ANKS1A: variants seen among roughly 807,000 people sequenced by gnomAD.
The protein encoded by ANKS1A is ankyrin repeat and sterile alpha motif domain containing 1A.
In ANKS1A, 55 loss-of-function variants were observed where a neutral mutation model predicts 120.3. The observed-to-expected ratio is 0.46, with a 90% confidence interval of 0.37 to 0.57. The LOEUF (loss-of-function observed/expected upper bound fraction) is 0.57. ANKS1A is among the 20% of genes least tolerant of loss of function. ANKS1A has a pLI of 0.00. For missense variants in ANKS1A, 1,123 were observed against 1,480.3 expected, an observed-to-expected ratio of 0.76 and a Z score of 3.96; for synonymous variants, 590 against 604.7, an observed-to-expected ratio of 0.98 and a Z score of 0.36.
At chr6:34,899,474 C>T (rs892152212) in intron 1 of ANKS1A, among the ~76,000 whole-genome samples, 1 of 151,326 alleles carries the variant, frequency 6.6e-6, no homozygotes, top group Admixed American at 6.6e-5. Context: ...TAGTGAGACC[C>T]AGTTTCTATT....
chr6:34,989,440 A>T (rs1479956388), intron 9 of ANKS1A, 124 bp downstream of exon 9: 17 of 882,744 alleles, frequency 1.9e-5, no homozygotes, highest in East Asian at 1.0e-4. Flanking sequence ...ATAAATTTGT[A>T]TTATGTGTAC....
Position 34,994,358 on chromosome 6 carries a change from C to T in ANKS1A, c.1359C>T (p.His453=), listed in dbSNP as rs1772736220. 2.5e-6 allele frequency: 4 copies of T among 1,613,644 alleles called. No individual in the cohort carries two copies. Among genetic ancestry groups the T allele is most frequent in the African/African-American group, 1.3e-5 (1 of 74,900 alleles). Residue 453 remains histidine (H), a synonymous_variant, in exon 10 of 24, where the codon CAC becomes CAT. Coordinates refer to ENST00000360359, the MANE Select transcript of ANKS1A (RefSeq NM_015245.3). The part of the protein sequence containing the change: ...HGSAAREEDE[H]PYELLLTAET... The stretch of plus-strand genomic sequence containing the variant: ...GTGCAGCCCGGGAAGAAGACGAACA[C>T]CCTTATGAACTGTTGTTAACAGCAG...
downstream of ANKS1A, among the ~76,000 whole-genome samples, chr6:35,091,570 TAACA>T (rs142013873): frequency 0.011 from 1,601 of 152,372 alleles, 32 homozygotes; most frequent in African/African-American, 0.036. Flanking sequence ...TCGCACTCTC[TAACA>T]AACAGTTAGT....
chr6:34,954,486 T>TG (rs1196652501), intron 1 of ANKS1A, among the ~76,000 whole-genome samples: 1 of 152,168 alleles, frequency 6.6e-6, no homozygotes. Context: ...TAACTGTCCT[T>TG]GGCAGGATAG....
chr6:34,981,475 T>A (rs1474909298), intron 3 of ANKS1A, among the ~76,000 whole-genome samples: 2 of 152,192 alleles, frequency 1.3e-5, no homozygotes, highest in East Asian at 3.8e-4. Flanking sequence ...AAGAGATGAC[T>A]TCTCCCCTCT....
intron 1 of ANKS1A, among the ~76,000 whole-genome samples, chr6:34,960,383 G>A (rs1306271141): frequency 1.3e-5 from 2 of 151,908 alleles, no homozygotes; most frequent in African/African-American, 4.8e-5. Flanking sequence ...TAGAAATCAA[G>A]CTCCATGAGG....
chr6:35,085,871 G>A lies in ANKS1A; in HGVS notation c.3238G>A (p.Glu1080Lys). 1 of 1,613,798 alleles carries A rather than the reference G, an allele frequency of 6.2e-7. No homozygotes were observed. Among genetic ancestry groups the A allele is most frequent in the Middle Eastern group, 1.7e-4 (1 of 6,056 alleles). The change falls in exon 22 of 24, where the codon GAG (glutamate) becomes AAG (lysine). Residue 1080 changes from glutamate (E) to lysine (K), a missense_variant. Glu to Lys is a moderately conservative substitution (Grantham distance 56). Transcript: ENST00000360359. This position sits in a 1 kb window ranked among gnomAD's most constrained non-coding sequence, Gnocchi z 4.7. ...CAGGGCGACGGGCGCCTCTGCAGCTGAGATGATTGAAACAAAATCTTCCAA... is the reference window on the plus strand; with the variant it reads ...CAGGGCGACGGGCGCCTCTGCAGCTAAGATGATTGAAACAAAATCTTCCAA... ...KSRATGASAA[E>K]MIETKSSKPV...
At position 35,074,979 on chromosome 6, in the gene ANKS1A, A is replaced by G. The variant is rs528087671; in HGVS notation, c.2185-3579A>G. Among the ~76,000 whole-genome samples, 99 of 152,374 alleles carry G rather than the reference A, an allele frequency of 6.5e-4. 1 individual carries two copies. The highest frequency in any genetic ancestry group is 1.1e-3 in the Non-Finnish European group (72 of 68,046). On this transcript the variant is annotated intron_variant, in intron 13 of 23. Transcript: ENST00000360359. ...ACTTAGCTTTTCCAAGTGTAAAGTA[A>G]TGCCCACCACAACAGAGTAAAAGTC...
intron 1 of ANKS1A, among the ~76,000 whole-genome samples, chr6:34,966,841 A>C (rs1279373144): frequency 6.6e-6 from 1 of 151,946 alleles, no homozygotes; most frequent in African/African-American, 2.4e-5. Context: ...GCTCGTCTTG[A>C]TTATCTGATC....
chr6:35,018,361 C>T (rs1200885205), intron 11 of ANKS1A, among the ~76,000 whole-genome samples: 1 of 152,102 alleles, frequency 6.6e-6, no homozygotes, highest in Non-Finnish European at 1.5e-5. Context: ...CCATCAGCCC[C>T]ATTGAGAGAA....
chr6:34,905,347 A>G (rs139322726), intron 1 of ANKS1A, among the ~76,000 whole-genome samples: 29 of 152,362 alleles, frequency 1.9e-4, no homozygotes, highest in African/African-American at 7.0e-4. Context: ...CCCTGCAGCC[A>G]TGATCAAACT....
intron 3 of ANKS1A, among the ~76,000 whole-genome samples, chr6:34,980,875 G>A (rs535219355): frequency 5.3e-5 from 8 of 152,260 alleles, no homozygotes; most frequent in Non-Finnish European, 1.0e-4. Context: ...AACAAAATTG[G>A]CATTAGAGGA....
At chr6:34,981,305 A>C (rs1296050501) in intron 3 of ANKS1A, among the ~76,000 whole-genome samples, 1 of 152,226 alleles carries the variant, frequency 6.6e-6, no homozygotes, top group Non-Finnish European at 1.5e-5. Context: ...ATGCCTACAA[A>C]TTGTAAAACC....
At chr6:35,013,120 TTC>T (rs941149133) in intron 10 of ANKS1A, among the ~76,000 whole-genome samples, 7 of 152,050 alleles carry the variant, frequency 4.6e-5, no homozygotes, top group African/African-American at 1.7e-4. Flanking sequence ...GTATTTTTAC[TTC>T]TCTGTAAGCC....
At chr6:35,036,947 G>A (rs1775204135) in intron 11 of ANKS1A, among the ~76,000 whole-genome samples, 2 of 152,238 alleles carry the variant, frequency 1.3e-5, no homozygotes, top group Admixed American at 1.3e-4. Context: ...TCTCAGGCAC[G>A]CTGAGGTTTG....
At chr6:34,981,077 G>A (rs1451410235) in intron 3 of ANKS1A, among the ~76,000 whole-genome samples, 1 of 152,130 alleles carries the variant, frequency 6.6e-6, no homozygotes, top group African/African-American at 2.4e-5. Flanking sequence ...GCAGTGTCAG[G>A]GTCCCTTATT....
intron 20 of ANKS1A, among the ~76,000 whole-genome samples, 186 bp from the exon 21 acceptor site, chr6:35,083,935 G>A (rs369207311): frequency 6.6e-6 from 1 of 152,180 alleles, no homozygotes; most frequent in African/African-American, 2.4e-5. Context: ...GTGGTAAGGG[G>A]TGGAGACCCC....
intron 10 of ANKS1A, 51 bp downstream of exon 10, chr6:34,994,473 G>A (rs1772744557): frequency 1.3e-6 from 2 of 1,593,374 alleles, no homozygotes; most frequent in African/African-American, 1.3e-5. Flanking sequence ...GATTTTTAAA[G>A]TTTGTGATCC....
At position 34,996,975 on chromosome 6, in the gene ANKS1A, T is replaced by TA. The variant is rs1453148085; in HGVS notation, c.1423+2554dup. On this transcript the variant is annotated intron_variant, in intron 10 of 23. Transcript: ENST00000360359. ...TATTGAATTGTCTTTGCAACTTTGT[T>TA]ACTTTTTTCAGAATTGTTTTAGATA... Among the ~76,000 whole-genome samples, 12 of 152,338 alleles carry TA rather than the reference T, an allele frequency of 7.9e-5. No homozygotes were observed. The East Asian group carries it at 2.3e-3, about 29-fold the overall frequency.
Sources: gnomAD v4.1 joint callset for allele counts (sites outside exome capture counted in the v4.1 genomes callset) on GRCh38, gnomAD v4.1.1 for gene constraint, Gnocchi (gnomAD v3.1) non-coding constraint, MANE v1.5 for transcripts, NCBI Gene and HGNC (gene_info 2026-07-23, HGNC 2026-07-21) for gene names.